LMO7: variants seen among roughly 807,000 people sequenced by gnomAD.
LMO7 encodes the protein LIM domain only protein 7.
A neutral mutation model predicts 206.5 loss-of-function variants in LMO7; 120 were observed. The observed-to-expected ratio is 0.58, with a 90% confidence interval of 0.50 to 0.68. LMO7 has a LOEUF of 0.68. Ranked by LOEUF, LMO7 falls within the 30% of genes least tolerant of loss-of-function variation. The pLI is 0.00. For synonymous variants in LMO7, 706 were observed against 681.5 expected (o/e 1.04, Z -0.56); for missense variants, 1,959 against 1,957.9 (o/e 1.00, Z -0.01).
intron 4 of LMO7, among the ~76,000 whole-genome samples, chr13:75,781,756 T>C (rs2140331000): frequency 6.6e-6 from 1 of 152,190 alleles, no homozygotes; most frequent in South Asian, 2.1e-4. Flanking sequence ...AGTGTAAAAG[T>C]GTTCCTATTT....
intron 1 of LMO7, among the ~76,000 whole-genome samples, chr13:75,665,818 C>T (rs554911559): frequency 6.6e-5 from 10 of 152,304 alleles, no homozygotes; most frequent in African/African-American, 1.4e-4. Context: ...TGAGCCACCA[C>T]GCCTGGCCTC....
intron 3 of LMO7, among the ~76,000 whole-genome samples, chr13:75,731,516 TG>T (rs1324354950): frequency 6.6e-6 from 1 of 152,180 alleles, no homozygotes; most frequent in African/African-American, 2.4e-5. Flanking sequence ...TTTGAGCCTA[TG>T]TGTGTCTCTG....
chr13:75,823,524 G>T (rs753984653), intron 14 of LMO7, 41 bp from the exon 15 acceptor site: 109 of 1,425,946 alleles, frequency 7.6e-5, no homozygotes, highest in Non-Finnish European at 1.0e-4. Context: ...AGAAATAAAG[G>T]TAACAGAATA....
chr13:75,722,187 A>G (rs1157430940), intron 2 of LMO7, among the ~76,000 whole-genome samples: 1 of 152,234 alleles, frequency 6.6e-6, no homozygotes, highest in African/African-American at 2.4e-5. Flanking sequence ...CAAATCCAAC[A>G]AAGATAAATA....
intron 6 of LMO7, among the ~76,000 whole-genome samples, chr13:75,798,525 A>G (rs995422703): frequency 1.3e-5 from 2 of 152,236 alleles, no homozygotes; most frequent in Non-Finnish European, 2.9e-5. Flanking sequence ...TTTCAAAACC[A>G]GAGGAGGTAG....
chr13:75,737,772 T>TAAAAAA (rs2045995353), intron 3 of LMO7, among the ~76,000 whole-genome samples: 1 of 5,814 alleles, frequency 1.7e-4, no homozygotes, highest in Non-Finnish European at 2.6e-4. Flanking sequence ...AAAAATAAAA[T>TAAAAAA]AAAATAAAAT....
chr13:75,740,128 G>C (rs926301324), intron 3 of LMO7, among the ~76,000 whole-genome samples: 1 of 152,190 alleles, frequency 6.6e-6, no homozygotes, highest in African/African-American at 2.4e-5. Context: ...AATGTGGCTT[G>C]GATGAGTTAC....
At chr13:75,749,093 C>T (rs562853857) in intron 3 of LMO7, among the ~76,000 whole-genome samples, 4 of 152,242 alleles carry the variant, frequency 2.6e-5, no homozygotes, top group Non-Finnish European at 5.9e-5. Flanking sequence ...AGTGAATCAG[C>T]CTCATAAAAC....
intron 25 of LMO7, 29 bp downstream of exon 25, chr13:75,842,945 TTGA>T: frequency 7.6e-7 from 1 of 1,318,846 alleles, no homozygotes; most frequent in Non-Finnish European, 1.1e-6. Flanking sequence ...TGTAATTTAA[TTGA>T]TGATAATGGC....
At chr13:75,663,484 G>A (rs1343980427) in intron 1 of LMO7, among the ~76,000 whole-genome samples, 4 of 137,736 alleles carry the variant, frequency 2.9e-5, no homozygotes, top group Non-Finnish European at 6.1e-5. Context: ...AGGCTGGAGT[G>A]CAGTGGTGCG....
chr13:75,723,658 G>T (rs2044221832), intron 2 of LMO7, among the ~76,000 whole-genome samples: 1 of 152,098 alleles, frequency 6.6e-6, no homozygotes, highest in African/African-American at 2.4e-5. Context: ...ATTTAAAGTG[G>T]GTTATATTCA....
chr13:75,696,170 T>C (rs1355351360), intron 1 of LMO7, among the ~76,000 whole-genome samples: 4 of 152,004 alleles, frequency 2.6e-5, no homozygotes, highest in African/African-American at 2.4e-5. Flanking sequence ...GCCTGGCCAA[T>C]GTGGTGAAAC....
At chr13:75,820,719 G>A (rs1169016887) in intron 13 of LMO7, among the ~76,000 whole-genome samples, 1 of 152,124 alleles carries the variant, frequency 6.6e-6, no homozygotes, top group Non-Finnish European at 1.5e-5. Flanking sequence ...ATCTTGCTGG[G>A]CATGGTGGCT....
intron 1 of LMO7, among the ~76,000 whole-genome samples, chr13:75,640,808 A>G (rs908853386): frequency 3.9e-5 from 6 of 152,180 alleles, no homozygotes; most frequent in Non-Finnish European, 7.3e-5. Context: ...CTTAAGCTTT[A>G]TTGGTTGCAG....
intron 3 of LMO7, among the ~76,000 whole-genome samples, chr13:75,747,722 T>C (rs886219314): frequency 6.6e-6 from 1 of 152,174 alleles, no homozygotes. Context: ...CCCCCAAGGA[T>C]GTTCACATTG....
chr13:75,677,421 G>A (rs959344474), intron 1 of LMO7, among the ~76,000 whole-genome samples: 1 of 152,108 alleles, frequency 6.6e-6, no homozygotes, highest in African/African-American at 2.4e-5. Context: ...ACAGATATTT[G>A]AGTACCTACT....
chr13:75,813,307 A>G (rs1282626417), intron 11 of LMO7, among the ~76,000 whole-genome samples: 1 of 152,240 alleles, frequency 6.6e-6, no homozygotes, highest in African/African-American at 2.4e-5. Flanking sequence ...GATCCCAAAC[A>G]ATCATGTTTG....
intron 12 of LMO7, chr13:75,819,183 T>C (rs2057340548): frequency 2.3e-6 from 1 of 433,238 alleles, no homozygotes; most frequent in South Asian, 4.9e-5. Context: ...AAATGGGGTC[T>C]ATCTTATTAG....
intron 2 of LMO7, among the ~76,000 whole-genome samples, chr13:75,722,293 A>G (rs998211239): frequency 3.9e-5 from 6 of 152,220 alleles, no homozygotes; most frequent in African/African-American, 1.4e-4. Flanking sequence ...AATCTTTGCA[A>G]TCTATACATC....
Sources: gnomAD v4.1 joint callset for allele counts (sites outside exome capture counted in the v4.1 genomes callset) on GRCh38, gnomAD v4.1.1 for gene constraint, MANE v1.5 for transcripts, NCBI Gene and HGNC (gene_info 2026-07-23, HGNC 2026-07-21) for gene names.